The following DACT1 variants were observed in gnomAD, a reference collection of about 807,000 sequenced individuals.
DACT1 encodes dishevelled binding antagonist of beta catenin 1, also known as dapper homolog 1.
DACT1 carries 19 observed loss-of-function variants against 35.3 expected under a neutral mutation model. That is an observed-to-expected ratio of 0.54 (90% CI 0.38 to 0.79). The LOEUF (loss-of-function observed/expected upper bound fraction) is 0.79, where lower values mean the gene tolerates loss of function less well. Ranked by LOEUF, DACT1 falls within the 30% of genes least tolerant of loss-of-function variation. DACT1 has a pLI of 0.00. For synonymous variants in DACT1, 545 were observed against 466.7 expected (o/e 1.17, Z -2.16); for missense variants, 1,143 against 1,057.5 (o/e 1.08, Z -1.12).
Position 58,638,176 on chromosome 14 carries a change from AC to A in DACT1, c.-26del. ...CCGCCTGGGCGGCCCGGCTGCGGTG[AC>A]GGCTCTCGCTGCCCGACTGGGGGCC... On this transcript the variant is annotated 5_prime_UTR_variant, in exon 1 of 4. Transcript: ENST00000395153. The A allele has an allele frequency of 7.8e-7, 1 of 1,281,402 alleles. No individual in the cohort carries two copies. Among genetic ancestry groups the A allele is most frequent in the South Asian group, 2.4e-5 (1 of 42,356 alleles). The allele number at this position is 1,281,402 out of a possible 1,614,324, so 79.4% of individuals were successfully genotyped here.
chr14:58,636,471 C>T (rs554364421), upstream of DACT1, among the ~76,000 whole-genome samples: 1 of 152,260 alleles, frequency 6.6e-6, no homozygotes, highest in South Asian at 2.1e-4. Context: ...AAGAGATACA[C>T]ATAAACACCT....
chr14:58,634,623 A>G (rs1165707745), upstream of DACT1, among the ~76,000 whole-genome samples: 4 of 152,184 alleles, frequency 2.6e-5, no homozygotes, highest in Non-Finnish European at 5.9e-5. Flanking sequence ...TTTTCCTCCT[A>G]TTCGGAGACA....
At chr14:58,638,965 G>A in intron 1 of DACT1, 1 of 987,386 alleles carries the variant, frequency 1.0e-6, no homozygotes, top group Non-Finnish European at 1.2e-6. Flanking sequence ...TCCTCCCGCC[G>A]AGAGGGGCCA....
rs1230188234 is a variant in DACT1 at position 58,638,128 on chromosome 14, C to T, written c.-75C>T. The T allele has an allele frequency of 2.4e-6, 3 of 1,228,494 alleles. No homozygotes were observed. Among genetic ancestry groups the T allele is most frequent in the Non-Finnish European group, 2.0e-6 (2 of 983,998 alleles). The allele number at this position is 1,228,494 out of a possible 1,614,324, so 76.1% of individuals were successfully genotyped here. ...AGGGCGGCATGAGCCCACCCGCGGC[C>T]GCAGCCCTAGCGCCCTGCTCCTCCG... is the stretch of plus-strand genomic sequence containing the variant. On this transcript the variant is annotated 5_prime_UTR_variant, in exon 1 of 4. Coordinates refer to ENST00000395153, the MANE Select transcript of DACT1 (RefSeq NM_001079520.2).
At chr14:58,640,196 T>C (rs1342276535) in intron 1 of DACT1, among the ~76,000 whole-genome samples, 1 of 152,242 alleles carries the variant, frequency 6.6e-6, no homozygotes, top group Non-Finnish European at 1.5e-5. Context: ...CAGCTCACAT[T>C]ATACTTGGCA....
In DACT1 at chr14:58,647,038, C is replaced by A; in HGVS notation, c.2304C>A (p.Pro768=). Residue 768 remains proline, a synonymous_variant, in exon 4 of 4, where the codon CCC becomes CCA. Transcript: ENST00000395153. ...CGGCCCCAGACCTTCACAACCACCC[C>A]GCAAAAACCTTTGTCAAAATTAAGG... The part of the protein sequence containing the change: ...TVTAPDLHNH[P]AKTFVKIKAS... 4 of 1,614,150 alleles carry A rather than the reference C, an allele frequency of 2.5e-6. No individual in the cohort carries two copies. The highest frequency in any genetic ancestry group is 3.4e-6 in the Non-Finnish European group (4 of 1,180,028).
Position 58,640,594 on chromosome 14 carries a change from G to A in DACT1, c.346-142G>A, listed in dbSNP as rs1034659473. 3 of 870,370 alleles carry A rather than the reference G, an allele frequency of 3.4e-6. No homozygotes were observed. In the African/African-American group the frequency reaches 5.0e-5, roughly 15 times the overall value. The allele number at this position is 870,370 out of a possible 1,614,324, so 53.9% of individuals were successfully genotyped here. A position where few individuals can be genotyped will look rare whatever the true frequency, so the allele number is the denominator to read the frequency against. On this transcript the variant is annotated intron_variant, in intron 1 of 3. Coordinates refer to ENST00000395153, the MANE Select transcript of DACT1 (RefSeq NM_001079520.2). ...TATTCTTGAATTCTCGAAGTTTTTC[G>A]TTACTTCAGGTCATCCAGTAAAATT...
intron 3 of DACT1, among the ~76,000 whole-genome samples, chr14:58,642,029 G>T (rs1280787103): frequency 6.6e-6 from 1 of 152,190 alleles, no homozygotes; most frequent in East Asian, 1.9e-4. Context: ...CTCTGTTTCT[G>T]AGCCTTTGCT....
Position 58,646,005 on chromosome 14 carries a change from A to C in DACT1, c.1271A>C (p.Gln424Pro), listed in dbSNP as rs1447470623. The change falls in exon 4 of 4, where the codon CAA (glutamine) becomes CCA (proline). Residue 424 changes from glutamine to proline, a missense_variant. This residue lies in a region of DACT1 where 1,054 missense variants were observed against 958.8 expected (regional missense o/e 1.10). Coordinates refer to ENST00000395153, the MANE Select transcript of DACT1 (RefSeq NM_001079520.2). ...HLPKTAKPAS[Q>P]EHARCSAIGT... ...CCAAAAACGGCCAAGCCAGCCTCGC[A>C]AGAACATGCTCGGTGTTCCGCCATT... 2 of 1,614,108 alleles carry C rather than the reference A, an allele frequency of 1.2e-6. No individual in the cohort carries two copies. The highest frequency in any genetic ancestry group is 2.7e-5 in the African/African-American group (2 of 75,076).
Position 58,646,803 on chromosome 14 carries a change from C to G in DACT1, c.2069C>G (p.Ser690Trp). ...TACGTGGCTAGCGACTCCGAGTACT[C>G]GGCCGAGTGCGAGTCCCTGTTCCAC... ...YAYVASDSEY[S>W]AECESLFHST... The change falls in exon 4 of 4, where the codon TCG becomes TGG. Residue 690 changes from serine to tryptophan, a missense_variant. Physicochemically the swap from Ser to Trp is radical, Grantham distance 177. Coordinates refer to ENST00000395153, the MANE Select transcript of DACT1 (RefSeq NM_001079520.2). 1 of 1,614,166 alleles carries G rather than the reference C, an allele frequency of 6.2e-7. No homozygotes were observed. The highest frequency in any genetic ancestry group is 8.5e-7 in the Non-Finnish European group (1 of 1,180,026).
upstream of DACT1, among the ~76,000 whole-genome samples, chr14:58,635,498 T>C (rs952705548): frequency 7.2e-5 from 11 of 152,230 alleles, no homozygotes; most frequent in African/African-American, 2.7e-4. Context: ...TTTATTAATG[T>C]GTAATGGATA....
rs2047710315 is a variant in DACT1, at chr14:58,647,884, G to A, written c.*750G>A. The stretch of plus-strand genomic sequence containing the variant: ...CAGTCCAACCTTTCATTCCTTGGAG[G>A]ATTTAGTTTTGGGATAAAATTTTGG... On this transcript the variant is annotated 3_prime_UTR_variant, in exon 4 of 4. Transcript: ENST00000395153. 6.0e-6 allele frequency: 1 copy of A among 167,050 alleles called. No individual in the cohort carries two copies. The highest frequency in any genetic ancestry group is 2.1e-4 in the South Asian group (1 of 4,822). The allele number at this position is 167,050 out of a possible 1,614,324, so 10.3% of individuals were successfully genotyped here. A position where few individuals can be genotyped will look rare whatever the true frequency, so the allele number is the denominator to read the frequency against.
chr14:58,635,499 G>C (rs986198281), upstream of DACT1, among the ~76,000 whole-genome samples: 6 of 152,216 alleles, frequency 3.9e-5, no homozygotes, highest in African/African-American at 1.4e-4. Flanking sequence ...TTATTAATGT[G>C]TAATGGATAC....
rs1347301805 is a variant in DACT1, at chr14:58,645,782, G to A, written c.1048G>A (p.Gly350Ser). 32 of 1,614,124 alleles carry A rather than the reference G, an allele frequency of 2.0e-5. No homozygotes were observed. Among genetic ancestry groups the A allele is most frequent in the Non-Finnish European group, 2.6e-5 (31 of 1,180,056 alleles). The change falls in exon 4 of 4, where the codon GGC becomes AGC. Residue 350 changes from glycine to serine, a missense_variant. Coordinates refer to ENST00000395153, the MANE Select transcript of DACT1 (RefSeq NM_001079520.2). The stretch of plus-strand genomic sequence containing the variant: ...CAGAGCCCCGGGCGGTGTCTCACAG[G>A]GCAACAGTGTGAACCTTAAGAATTC... ...CVRAPGGVSQ[G>S]NSVNLKNSKQ...
At chr14:58,636,194 G>T (rs191511548), upstream of DACT1, among the ~76,000 whole-genome samples, 2 of 152,198 alleles carry the variant, frequency 1.3e-5, no homozygotes, top group Non-Finnish European at 2.9e-5. Context: ...CAATGGGGAG[G>T]AAAGTGAAAG....
chr14:58,646,757 C>G lies in DACT1; in HGVS notation c.2023C>G (p.Pro675Ala). 1 of 1,614,056 alleles carries G rather than the reference C, an allele frequency of 6.2e-7. No homozygotes were observed. Among genetic ancestry groups the G allele is most frequent in the Non-Finnish European group, 8.5e-7 (1 of 1,180,040 alleles). ...GCTGTACCCCGCGCCTGTGCCTCTGCCCTACGCCAGCCCCTACGCCTACGT... is the reference window on the plus strand; with the variant it reads ...GCTGTACCCCGCGCCTGTGCCTCTGGCCTACGCCAGCCCCTACGCCTACGT... Reference protein sequence around the residue: ...VGLYPAPVPLPYASPYAYVAS... With the variant: ...VGLYPAPVPLAYASPYAYVAS... The change falls in exon 4 of 4, where the codon CCC becomes GCC. Residue 675 changes from proline (P) to alanine (A), a missense_variant. Transcript: ENST00000395153.
In DACT1 at chr14:58,646,472, G is replaced by T; in HGVS notation, c.1738G>T (p.Asp580Tyr). Residue 580 changes from aspartate (D) to tyrosine (Y), a missense_variant, in exon 4 of 4, where the codon GAC (aspartate) becomes TAC (tyrosine). Asp to Tyr is a radical substitution (Grantham distance 160). This residue lies in a region of DACT1 where 1,054 missense variants were observed against 958.8 expected (regional missense o/e 1.10). Coordinates refer to ENST00000395153, the MANE Select transcript of DACT1 (RefSeq NM_001079520.2). ...AGSKKCRFPDDLDTNKKLKKA... is the reference protein window; with the variant it reads ...AGSKKCRFPDYLDTNKKLKKA... ...GAGCAAGAAGTGTCGCTTCCCAGAT[G>T]ACTTGGATACAAATAAGAAACTCAA... is the stretch of plus-strand genomic sequence containing the variant. The T allele has an allele frequency of 6.4e-7, 1 of 1,572,766 alleles. No individual in the cohort carries two copies.
chr14:58,644,237 A>G (rs2047652627), intron 3 of DACT1, among the ~76,000 whole-genome samples: 1 of 152,230 alleles, frequency 6.6e-6, no homozygotes, highest in African/African-American at 2.4e-5. Context: ...TGGGAAATTT[A>G]TCCATTAATA....
Position 58,646,501 on chromosome 14 carries a change from A to G in DACT1, c.1767A>G (p.Lys589=), listed in dbSNP as rs990786775. 1 of 1,560,546 alleles carries G rather than the reference A, an allele frequency of 6.4e-7. No homozygotes were observed. The highest frequency in any genetic ancestry group is 8.6e-7 in the Non-Finnish European group (1 of 1,158,080). The change falls in exon 4 of 4, where the codon AAA becomes AAG. Residue 589 remains lysine, a synonymous_variant. Transcript: ENST00000395153. Reference sequence around the variant, plus strand: ...TGGATACAAATAAGAAACTCAAGAAAGCCTCCTCCAAGGGGAGGAAGAGTG... The same window carrying G: ...TGGATACAAATAAGAAACTCAAGAAGGCCTCCTCCAAGGGGAGGAAGAGTG... The part of the protein sequence containing the change: ...DDLDTNKKLK[K]ASSKGRKSGG...
Sources: gnomAD v4.1 joint callset for allele counts (sites outside exome capture counted in the v4.1 genomes callset) on GRCh38, gnomAD v4.1.1 for gene constraint, gnomAD v4.1.1 regional missense constraint, MANE v1.5 for transcripts, NCBI Gene and HGNC (gene_info 2026-07-23, HGNC 2026-07-21) for gene names.